Variants in C11orf65 observed in about 807,000 individuals in gnomAD.
The protein encoded by C11orf65 is chromosome 11 open reading frame 65, also known as protein MFI.
A neutral mutation model predicts 35.3 loss-of-function variants in C11orf65; 38 were observed. The ratio of observed to expected loss-of-function variants is 1.08; its 90% CI spans 0.83 to 1.41. C11orf65 has a LOEUF of 1.41. C11orf65 is among the 40% of genes most tolerant of loss of function. The pLI, the probability that C11orf65 is intolerant of heterozygous loss-of-function variation, is 0.00. For missense variants in C11orf65, 370 were observed against 367.1 expected, an observed-to-expected ratio of 1.01 and a Z score of -0.06; for synonymous variants, 105 against 114.4, an observed-to-expected ratio of 0.92 and a Z score of 0.53.
intron 6 of C11orf65, among the ~76,000 whole-genome samples, chr11:108,396,874 T>TAAATAAAA (rs1330766995): frequency 4.3e-5 from 6 of 139,310 alleles, no homozygotes; most frequent in African/African-American, 5.3e-5. Context: ...AATAAATAAA[T>TAAATAAAA]AAAATAAAAT....
At chr11:108,315,542 C>T (rs773504831) in intron 6 of C11orf65, among the ~76,000 whole-genome samples, 1 of 151,794 alleles carries the variant, frequency 6.6e-6, no homozygotes, top group Non-Finnish European at 1.5e-5. Flanking sequence ...TAGTTCTAAA[C>T]TGTGTGGTTT....
downstream of C11orf65, chr11:108,329,334 T>A: frequency 1.8e-6 from 2 of 1,135,692 alleles, no homozygotes; most frequent in Middle Eastern, 2.7e-4. Context: ...TTATCTGATA[T>A]AGTTTTGAGC....
intron 2 of C11orf65, chr11:108,353,935 G>A (rs2089539529): frequency 2.7e-6 from 4 of 1,503,516 alleles, no homozygotes; most frequent in Admixed American, 3.4e-5. Context: ...AATTACATGG[G>A]CTGGGCATGG....
At position 108,326,347 on chromosome 11, in the gene C11orf65, A is replaced by C. The variant is rs925015470; in HGVS notation, c.641-17276T>G. The C allele has an allele frequency of 5.8e-5, 77 of 1,320,322 alleles. No homozygotes were observed. The African/African-American group carries it at 1.1e-3, about 19-fold the overall frequency. The allele number at this position is 1,320,322 out of a possible 1,614,324, so 81.8% of individuals were successfully genotyped here. A position where few individuals can be genotyped will look rare whatever the true frequency, so the allele number is the denominator to read the frequency against. On this transcript the variant is annotated intron_variant, in intron 6 of 6. Coordinates refer to the C11orf65 transcript ENST00000525729. ...TTGAAATTAGTAATTTATTAACAAGATATTGTAAAACTAGTCTTGAAAATT... is the reference window on the plus strand; with the variant it reads ...TTGAAATTAGTAATTTATTAACAAGCTATTGTAAAACTAGTCTTGAAAATT...
intron 2 of C11orf65, among the ~76,000 whole-genome samples, chr11:108,445,908 C>A (rs532571262): frequency 6.6e-6 from 1 of 152,160 alleles, no homozygotes; most frequent in African/African-American, 2.4e-5. Flanking sequence ...CTAGAATAAT[C>A]AATGCAGAGA....
intron 6 of C11orf65, among the ~76,000 whole-genome samples, chr11:108,311,574 T>C (rs1428409045): frequency 1.3e-5 from 2 of 151,972 alleles, no homozygotes; most frequent in South Asian, 4.1e-4. Flanking sequence ...GGCCTGCACA[T>C]GTAGTCCCAG....
chr11:108,353,077 A>C (rs2089406721), intron 2 of C11orf65, among the ~76,000 whole-genome samples: 1 of 152,162 alleles, frequency 6.6e-6, no homozygotes, highest in Non-Finnish European at 1.5e-5. Flanking sequence ...AATGGGGAAA[A>C]GGCATAAGGG....
At chr11:108,347,304 T>TA in intron 2 of C11orf65, 1 of 1,611,440 alleles carries the variant, frequency 6.2e-7, no homozygotes, top group South Asian at 1.1e-5. Context: ...GACTTGGTGA[T>TA]AGACATGTAC....
intron 7 of C11orf65, among the ~76,000 whole-genome samples, chr11:108,392,331 C>T (rs948070670): frequency 6.6e-6 from 1 of 152,150 alleles, no homozygotes; most frequent in South Asian, 2.1e-4. Flanking sequence ...CATGAGCCAC[C>T]ATGCCCAGCC....
intron 3 of C11orf65, chr11:108,334,869 T>G: frequency 7.2e-7 from 1 of 1,387,078 alleles, no homozygotes; most frequent in Non-Finnish European, 1.0e-6. Flanking sequence ...TCGTCATTTG[T>G]TTCTCTGTTT....
chr11:108,387,148 C>CTTTTTTTTTTTTTTTTTTTTT (rs1175890979), intron 7 of C11orf65, among the ~76,000 whole-genome samples: 14 of 84,412 alleles, frequency 1.7e-4, no homozygotes, highest in Admixed American at 2.0e-4. Flanking sequence ...TTCTTTCTTT[C>CTTTTTTTTTTTTTTTTTTTTT]TTTTTTTTTT....
chr11:108,346,846 A>C (rs2088479082), intron 2 of C11orf65, among the ~76,000 whole-genome samples: 1 of 152,104 alleles, frequency 6.6e-6, no homozygotes, highest in African/African-American at 2.4e-5. Flanking sequence ...ATTTGTGTTA[A>C]ATATAATTCA....
In C11orf65 at chr11:108,320,009, C is replaced by CTT. The variant is rs587782554; in HGVS notation, c.641-10939_641-10938insAA. 17 of 1,612,378 alleles carry CTT rather than the reference C, an allele frequency of 1.1e-5. No individual in the cohort carries two copies. Among genetic ancestry groups the CTT allele is most frequent in the Non-Finnish European group, 1.4e-5 (16 of 1,178,720 alleles). On this transcript the variant is annotated intron_variant, in intron 6 of 6. Coordinates refer to the C11orf65 transcript ENST00000525729. Reference sequence around the variant, plus strand: ...ATCATTGTACAATGCTCTACAATCTCTAAGAGACAGAGAATTCTCTACATT... The same window carrying CTT: ...ATCATTGTACAATGCTCTACAATCTCTTTAAGAGACAGAGAATTCTCTACATT...
chr11:108,434,742 G>T (rs1219578209), intron 2 of C11orf65, among the ~76,000 whole-genome samples: 1 of 152,176 alleles, frequency 6.6e-6, no homozygotes, highest in Non-Finnish European at 1.5e-5. Flanking sequence ...CACTGGAATT[G>T]ACATCTGATC....
rs186631990 is a variant in C11orf65, at chr11:108,453,486, T to C, written c.81+7993A>G. Among the ~76,000 whole-genome samples the C allele has an allele frequency of 8.4e-4, 128 of 152,184 alleles. 1 individual carries two copies. Among genetic ancestry groups the C allele is most frequent in the Non-Finnish European group, 1.4e-3 (98 of 67,988 alleles). On this transcript the variant is annotated intron_variant, in intron 2 of 8. Coordinates refer to ENST00000393084, the MANE Select transcript of C11orf65 (RefSeq NM_152587.5). ...AGAATTATGCAAAATTAAATCCAAC[T>C]GTATTTTGTTTACAAGAGACACAAT...
chr11:108,437,113 G>GA (rs1565694332), intron 2 of C11orf65, among the ~76,000 whole-genome samples: 1 of 148,248 alleles, frequency 6.7e-6, no homozygotes, highest in Non-Finnish European at 1.5e-5. Context: ...AAAAAAAAGG[G>GA]GGGGGGTGGA....
intron 2 of C11orf65, among the ~76,000 whole-genome samples, chr11:108,351,647 C>A (rs761982836): frequency 1.3e-4 from 20 of 152,106 alleles, no homozygotes; most frequent in Non-Finnish European, 2.6e-4. Flanking sequence ...ACAATAGTGT[C>A]CTGGACCTAC....
intron 2 of C11orf65, chr11:108,354,986 G>A (rs947170280): frequency 1.1e-6 from 1 of 925,406 alleles, no homozygotes; most frequent in Non-Finnish European, 1.7e-6. Flanking sequence ...ATAGGGGGAT[G>A]TGGCTGGGCA....
At chr11:108,392,958 G>A (rs1340957377) in intron 7 of C11orf65, among the ~76,000 whole-genome samples, 1 of 152,126 alleles carries the variant, frequency 6.6e-6, no homozygotes, top group Non-Finnish European at 1.5e-5. Context: ...AAGCAAAGCA[G>A]ACTAAAGCAT....
Sources: gnomAD v4.1 joint callset for allele counts (sites outside exome capture counted in the v4.1 genomes callset) on GRCh38, gnomAD v4.1.1 for gene constraint, MANE v1.5 for transcripts, NCBI Gene and HGNC (gene_info 2026-07-23, HGNC 2026-07-21) for gene names.